The following NDNF variants were observed in gnomAD, a reference collection of about 807,000 sequenced individuals.
NDNF encodes the protein protein NDNF.
A neutral mutation model predicts 42.0 loss-of-function variants in NDNF; 16 were observed. The ratio of observed to expected loss-of-function variants is 0.38; its 90% CI spans 0.26 to 0.58. NDNF has a LOEUF of 0.58. Among genes scored for constraint, NDNF ranks in the 20% least tolerant of loss-of-function variants. The pLI is 0.67. For missense variants in NDNF, 616 were observed against 666.2 expected, an observed-to-expected ratio of 0.92 and a Z score of 0.83; for synonymous variants, 248 against 251.7, an observed-to-expected ratio of 0.99 and a Z score of 0.14.
chr4:121,042,311 C>G (rs1727012211), intron 2 of NDNF, among the ~76,000 whole-genome samples: 1 of 152,106 alleles, frequency 6.6e-6, no homozygotes, highest in Non-Finnish European at 1.5e-5. Context: ...GTTCATACAC[C>G]TAGAGTCTCC....
rs1393493365 is a variant in NDNF at position 121,036,682 on chromosome 4, A to G, written c.1289T>C (p.Met430Thr). 6 of 1,614,020 alleles carry G rather than the reference A, an allele frequency of 3.7e-6. No individual in the cohort carries two copies. The African/African-American group carries it at 4.0e-5, about 11-fold the overall frequency. ...CCTTGTGGTAGCTAGAATTTTCAAC[A>G]TAGATGCTCCTTTCTTGTTTCCTTT... is the stretch of plus-strand genomic sequence containing the variant. ...RLKGNKKGAS[M>T]LKILATTRPT... Residue 430 changes from methionine (M) to threonine (T), a missense_variant, in exon 4 of 4, where the codon ATG becomes ACG. Coordinates refer to ENST00000379692, the MANE Select transcript of NDNF (RefSeq NM_024574.4).
chr4:121,061,954 TA>T (rs1727419556), intron 1 of NDNF, among the ~76,000 whole-genome samples: 1 of 152,234 alleles, frequency 6.6e-6, no homozygotes, highest in Non-Finnish European at 1.5e-5. Flanking sequence ...GTTATGAGAT[TA>T]AATGAAATAA....
At position 121,040,055 on chromosome 4, in the gene NDNF, C is replaced by T; in HGVS notation, c.189-1G>A. The T allele has an allele frequency of 6.2e-7, 1 of 1,613,034 alleles. No homozygotes were observed. The highest frequency in any genetic ancestry group is 8.5e-7 in the Non-Finnish European group (1 of 1,179,622). ...GTCTTCTTCAACCACAAAGAAATACCTGTGGGAAAGTGGACCACTTTAGAC... is the reference window on the plus strand; with the variant it reads ...GTCTTCTTCAACCACAAAGAAATACTTGTGGGAAAGTGGACCACTTTAGAC... On this transcript the variant is annotated splice_acceptor_variant, in intron 2 of 3. Coordinates refer to ENST00000379692, the MANE Select transcript of NDNF (RefSeq NM_024574.4). LOFTEE classifies it high-confidence loss of function.
intron 1 of NDNF, among the ~76,000 whole-genome samples, chr4:121,051,026 C>A (rs1727184881): frequency 1.3e-5 from 2 of 152,098 alleles, no homozygotes; most frequent in Middle Eastern, 3.4e-3. Context: ...ATTTTTAGAT[C>A]AAAAATGTGG....
At chr4:121,037,780 A>G in intron 3 of NDNF, 123 bp from the exon 4 acceptor site, 1 of 616,966 alleles carries the variant, frequency 1.6e-6, no homozygotes. Flanking sequence ...ATAAGTAAAA[A>G]TATTTATAAA....
intron 1 of NDNF, among the ~76,000 whole-genome samples, chr4:121,067,178 C>T (rs372638114): frequency 1.3e-5 from 2 of 152,052 alleles, no homozygotes; most frequent in African/African-American, 4.8e-5. Context: ...TATAACCTTA[C>T]CATTATTCCT....
Position 121,045,808 on chromosome 4 carries a change from C to A in NDNF, c.30G>T (p.Trp10Cys). 1 of 1,614,082 alleles carries A rather than the reference C, an allele frequency of 6.2e-7. No individual in the cohort carries two copies. The highest frequency in any genetic ancestry group is 8.5e-7 in the Non-Finnish European group (1 of 1,180,016). MVLLHWCLL[W>C]LLFPLSSRTQ... ...TCCTTGAGCTGAGTGGAAACAGGAG[C>A]CACAGCAGGCACCAGTGGAGCAGCA... The change falls in exon 2 of 4, where the codon TGG becomes TGT. Residue 10 changes from tryptophan (W) to cysteine (C), a missense_variant. Physicochemically the swap from Trp to Cys is radical, Grantham distance 215. Transcript: ENST00000379692.
In NDNF at chr4:121,062,434, G is replaced by C. The variant is rs569804325; in HGVS notation, c.-2+9559C>G. ...GCACTGAGGATCAGGATCAGTTCCT[G>C]GGATGTTCTGCATTATTATTTCTGG... On this transcript the variant is annotated intron_variant, in intron 1 of 3. Coordinates refer to ENST00000379692, the MANE Select transcript of NDNF (RefSeq NM_024574.4). Among the ~76,000 whole-genome samples, 14 of 152,264 alleles carry C rather than the reference G, an allele frequency of 9.2e-5. No individual in the cohort carries two copies. In the South Asian group the frequency reaches 2.5e-3, roughly 27 times the overall value.
chr4:121,046,115 G>A (rs1727087313), intron 1 of NDNF, among the ~76,000 whole-genome samples: 1 of 152,192 alleles, frequency 6.6e-6, no homozygotes, highest in African/African-American at 2.4e-5. Context: ...GGTATTCAGA[G>A]AGAAAATCCT....
chr4:121,040,095 C>G, intron 2 of NDNF, 41 bp from the exon 3 acceptor site: 1 of 1,578,452 alleles, frequency 6.3e-7, no homozygotes, highest in Non-Finnish European at 8.6e-7. Context: ...GTAATTCTTT[C>G]TAACATTTAC....
At chr4:121,054,471 T>C (rs1013658849) in intron 1 of NDNF, among the ~76,000 whole-genome samples, 1 of 152,236 alleles carries the variant, frequency 6.6e-6, no homozygotes, top group African/African-American at 2.4e-5. Flanking sequence ...AAAATACTAT[T>C]GCTGCTAGCT....
chr4:121,045,075 G>A (rs149109944), intron 2 of NDNF, among the ~76,000 whole-genome samples: 7 of 152,314 alleles, frequency 4.6e-5, no homozygotes, highest in South Asian at 2.1e-4. Flanking sequence ...TACTGAGGCC[G>A]GGCGCAGTGG....
intron 1 of NDNF, among the ~76,000 whole-genome samples, chr4:121,067,636 T>C (rs2136947): frequency 0.17 from 26,049 of 152,162 alleles, 3,931 homozygotes; most frequent in African/African-American, 0.4. Flanking sequence ...CCAGCTGTTC[T>C]GTGGCCAAAT....
chr4:121,045,904 T>G (rs1727084266), intron 1 of NDNF, 66 bp from the exon 2 acceptor site: 1 of 1,481,306 alleles, frequency 6.8e-7, no homozygotes, highest in East Asian at 2.3e-5. Flanking sequence ...TCACAGACTT[T>G]CTAAAGGGTT....
intron 1 of NDNF, among the ~76,000 whole-genome samples, chr4:121,069,184 G>A (rs1425891977): frequency 6.6e-6 from 1 of 152,154 alleles, no homozygotes; most frequent in Non-Finnish European, 1.5e-5. Flanking sequence ...TCTACATTAA[G>A]CTGACGACTG....
At position 121,043,546 on chromosome 4, in the gene NDNF, GAAAT is replaced by G. The variant is rs1324160246; in HGVS notation, c.188+2100_188+2103del. The stretch of plus-strand genomic sequence containing the variant: ...AAATATAAAGAATGAATAAATGAGA[GAAAT>G]AAAAAGAGAAAATGTTGTTTTATAA... On this transcript the variant is annotated intron_variant, in intron 2 of 3. Coordinates refer to ENST00000379692, the MANE Select transcript of NDNF (RefSeq NM_024574.4). Among the ~76,000 whole-genome samples, 9 of 152,172 alleles carry G rather than the reference GAAAT, an allele frequency of 5.9e-5. No homozygotes were observed. In the East Asian group the frequency reaches 1.7e-3, roughly 29 times the overall value.
rs369846490 is a variant in NDNF, at chr4:121,071,769, T to TA, written c.-2+223dup. 8.5e-3 allele frequency: 1,220 copies of TA among 142,980 alleles called. 18 individuals carry two copies. Among genetic ancestry groups the TA allele is most frequent in the African/African-American group, 0.023 (882 of 38,338 alleles). 8.9% of individuals were successfully genotyped at this position (142,980 alleles called of 1,614,324 possible). A position where few individuals can be genotyped will look rare whatever the true frequency, so the allele number is the denominator to read the frequency against. On this transcript the variant is annotated intron_variant, in intron 1 of 3. Transcript: ENST00000379692. ...ACAAACAAACAAACAACAACAACAA[T>TA]AAAAAAAAAAAAACGAGGGAAACCT...
In NDNF at chr4:121,036,588, G is replaced by T; in HGVS notation, c.1383C>A (p.Thr461=). ...GCCAAGCCACGGTGGCTGAGGAACA[G>T]GTACGGAGCTTGTCAAAGGCTTTGA... ...TRIKAFDKLR[T]CSSATVAWLG... Residue 461 remains threonine, a synonymous_variant, in exon 4 of 4, where the codon ACC becomes ACA. Transcript: ENST00000379692. 6.2e-7 allele frequency: 1 copy of T among 1,614,144 alleles called. No homozygotes were observed. The highest frequency in any genetic ancestry group is 8.5e-7 in the Non-Finnish European group (1 of 1,179,996).
chr4:121,066,837 G>C (rs968780612), intron 1 of NDNF, among the ~76,000 whole-genome samples: 1 of 152,116 alleles, frequency 6.6e-6, no homozygotes, highest in Non-Finnish European at 1.5e-5. Flanking sequence ...CATATTTTTG[G>C]CTATGTTTTT....
Sources: gnomAD v4.1 joint callset for allele counts (sites outside exome capture counted in the v4.1 genomes callset) on GRCh38, gnomAD v4.1.1 for gene constraint, MANE v1.5 for transcripts, NCBI Gene and HGNC (gene_info 2026-07-23, HGNC 2026-07-21) for gene names.